Variants in ITGBL1 observed in about 807,000 individuals in gnomAD.
ITGBL1 encodes integrin beta-like protein 1.
In ITGBL1, 51 loss-of-function variants were observed where a neutral mutation model predicts 68.5. That is an observed-to-expected ratio of 0.74 (90% confidence interval 0.59 to 0.94). The LOEUF (loss-of-function observed/expected upper bound fraction) is 0.94. ITGBL1 is among the 40% of genes least tolerant of loss of function. The probability of loss-of-function intolerance (pLI) is 0.00; values close to 1 mark genes in which losing one functional copy is unlikely to be tolerated. For missense variants in ITGBL1, 649 were observed against 647.4 expected (o/e 1.00, Z -0.03); for synonymous variants, 209 against 227.3 (o/e 0.92, Z 0.72).
At chr13:101,575,399 AGT>A in intron 3 of ITGBL1, 23 bp from the exon 4 acceptor site, 1 of 1,605,406 alleles carries the variant, frequency 6.2e-7, no homozygotes, top group Non-Finnish European at 8.5e-7. Flanking sequence ...TGTAACAAAC[AGT>A]CTTTTTTGTT....
At chr13:101,482,511 T>C (rs927310766) in intron 2 of ITGBL1, among the ~76,000 whole-genome samples, 5 of 152,170 alleles carry the variant, frequency 3.3e-5, no homozygotes, top group African/African-American at 1.2e-4. Flanking sequence ...GTTTTTTATG[T>C]ACCTATGACA....
At chr13:101,473,798 A>G (rs897678449) in intron 2 of ITGBL1, among the ~76,000 whole-genome samples, 2 of 152,166 alleles carry the variant, frequency 1.3e-5, no homozygotes, top group Non-Finnish European at 2.9e-5. Context: ...CCACAATAAA[A>G]TAGTGTACCA....
intron 8 of ITGBL1, 162 bp downstream of exon 8, chr13:101,692,863 G>T: frequency 1.6e-6 from 1 of 626,854 alleles, no homozygotes. Flanking sequence ...GGTTTGTAAT[G>T]ACTTTTATTT....
chr13:101,696,517 T>A (rs140177679), intron 8 of ITGBL1, among the ~76,000 whole-genome samples: 108 of 152,294 alleles, frequency 7.1e-4, no homozygotes, highest in Non-Finnish European at 1.2e-3. Context: ...CTTGGGTATG[T>A]TAGTTCCCTC....
At chr13:101,636,981 G>C (rs990756985) in intron 7 of ITGBL1, among the ~76,000 whole-genome samples, 1 of 152,006 alleles carries the variant, frequency 6.6e-6, no homozygotes, top group Non-Finnish European at 1.5e-5. Context: ...AATTCTGAAA[G>C]CAACTCTTTA....
chr13:101,624,541 CAG>C (rs772517183), intron 7 of ITGBL1, among the ~76,000 whole-genome samples: 8 of 152,136 alleles, frequency 5.3e-5, no homozygotes, highest in Admixed American at 2.0e-4. Flanking sequence ...AAAAGAAAAA[CAG>C]AGGTAGAATA....
intron 7 of ITGBL1, among the ~76,000 whole-genome samples, chr13:101,608,026 C>T (rs747571724): frequency 4.6e-5 from 7 of 152,030 alleles, no homozygotes; most frequent in African/African-American, 7.2e-5. Flanking sequence ...TGCGGTATTG[C>T]ATATGTTTTA....
At chr13:101,559,594 C>T (rs1044732539) in intron 2 of ITGBL1, among the ~76,000 whole-genome samples, 1 of 152,180 alleles carries the variant, frequency 6.6e-6, no homozygotes, top group Non-Finnish European at 1.5e-5. Flanking sequence ...TTTACTAACA[C>T]CACTCTTCCT....
At chr13:101,540,049 T>C (rs1452726223) in intron 2 of ITGBL1, among the ~76,000 whole-genome samples, 4 of 152,176 alleles carry the variant, frequency 2.6e-5, no homozygotes, top group African/African-American at 7.2e-5. Flanking sequence ...AGAAGCTCTT[T>C]ACTTTAATTA....
chr13:101,719,784 T>C (rs2034860596), downstream of ITGBL1: 2 of 152,010 alleles, frequency 1.3e-5, no homozygotes, highest in Admixed American at 1.3e-4. Flanking sequence ...TAAATACAAA[T>C]GAATTCCATC....
chr13:101,609,063 T>C (rs1199096730), intron 7 of ITGBL1, among the ~76,000 whole-genome samples: 2 of 152,064 alleles, frequency 1.3e-5, no homozygotes, highest in Admixed American at 6.6e-5. Flanking sequence ...CCCACTATTA[T>C]GGGTTGTATA....
intron 7 of ITGBL1, among the ~76,000 whole-genome samples, chr13:101,601,648 T>C (rs899227264): frequency 2.0e-4 from 31 of 152,332 alleles, no homozygotes; most frequent in Middle Eastern, 3.4e-3. Flanking sequence ...TTTGTTCTCA[T>C]TGGTTTCAAA....
intron 2 of ITGBL1, among the ~76,000 whole-genome samples, chr13:101,500,493 C>T (rs1406680457): frequency 6.6e-6 from 1 of 152,172 alleles, no homozygotes; most frequent in Non-Finnish European, 1.5e-5. Flanking sequence ...TAACCAACTG[C>T]TACAAAATTC....
intron 2 of ITGBL1, among the ~76,000 whole-genome samples, chr13:101,541,337 T>G (rs976963791): frequency 1.3e-5 from 2 of 152,156 alleles, no homozygotes; most frequent in Non-Finnish European, 2.9e-5. Flanking sequence ...TTGGTTCTGT[T>G]TATATGCTGG....
At chr13:101,510,605 A>G (rs2049100118) in intron 2 of ITGBL1, among the ~76,000 whole-genome samples, 1 of 152,146 alleles carries the variant, frequency 6.6e-6, no homozygotes, top group African/African-American at 2.4e-5. Flanking sequence ...ACTAATTTAC[A>G]TTCCCACGAA....
Position 101,610,815 on chromosome 13 carries a change from T to A in ITGBL1, c.1015+12516T>A, listed in dbSNP as rs192311105. Among the ~76,000 whole-genome samples the A allele has an allele frequency of 5.9e-5, 9 of 152,216 alleles. No individual in the cohort carries two copies. In the East Asian group the frequency reaches 1.5e-3, roughly 26 times the overall value. On this transcript the variant is annotated intron_variant, in intron 7 of 10. Coordinates refer to ENST00000376180, the MANE Select transcript of ITGBL1 (RefSeq NM_004791.3). ...GTGACAAATATGTCGGGAGAAGGGATTGAGTGTCTTGAGAATCAGAGGAAG... is the reference window on the plus strand; with the variant it reads ...GTGACAAATATGTCGGGAGAAGGGAATGAGTGTCTTGAGAATCAGAGGAAG...
intron 2 of ITGBL1, among the ~76,000 whole-genome samples, chr13:101,455,390 G>T (rs902503203): frequency 1.3e-5 from 2 of 152,142 alleles, no homozygotes; most frequent in Non-Finnish European, 2.9e-5. Flanking sequence ...CTGAATGCTG[G>T]GTGGGGTGGC....
At chr13:101,640,830 A>G (rs868624953) in intron 7 of ITGBL1, among the ~76,000 whole-genome samples, 14 of 152,226 alleles carry the variant, frequency 9.2e-5, no homozygotes, top group African/African-American at 3.4e-4. Context: ...TTTTATGCCC[A>G]TGAGTACCCG....
intron 8 of ITGBL1, among the ~76,000 whole-genome samples, chr13:101,696,035 T>A (rs1468662047): frequency 6.6e-6 from 1 of 152,194 alleles, no homozygotes; most frequent in African/African-American, 2.4e-5. Flanking sequence ...GTGCGACTTC[T>A]TCTAAGCCAG....
Sources: gnomAD v4.1 joint callset for allele counts (sites outside exome capture counted in the v4.1 genomes callset) on GRCh38, gnomAD v4.1.1 for gene constraint, MANE v1.5 for transcripts, NCBI Gene and HGNC (gene_info 2026-07-23, HGNC 2026-07-21) for gene names.